DNAJC21: variants seen among roughly 807,000 people sequenced by gnomAD.
The protein encoded by DNAJC21 is dnaJ homolog subfamily C member 21.
A neutral mutation model predicts 72.4 loss-of-function variants in DNAJC21; 63 were observed. That is an observed-to-expected ratio of 0.87 (90% CI 0.71 to 1.07). DNAJC21 has a LOEUF of 1.07. Among genes scored for constraint, DNAJC21 ranks in the 50% least tolerant of loss-of-function variants. The probability of loss-of-function intolerance (pLI) is 0.00; values close to 1 mark genes in which losing one functional copy is unlikely to be tolerated. For missense variants in DNAJC21, 634 were observed against 644.8 expected (o/e 0.98, Z 0.18); for synonymous variants, 203 against 216.7 (o/e 0.94, Z 0.56).
chr5:34,930,502 C>T (rs761202847), intron 1 of DNAJC21: 3 of 151,898 alleles, frequency 2.0e-5, no homozygotes, highest in Non-Finnish European at 1.5e-5. Context: ...TCACTTTGGA[C>T]ATGATTCTGC....
chr5:34,951,642 C>G (rs1765370953), intron 10 of DNAJC21: 1 of 877,318 alleles, frequency 1.1e-6, no homozygotes, highest in Non-Finnish European at 1.4e-6. Context: ...ATTCTCCTGC[C>G]TCAGCCTCTC....
intron 1 of DNAJC21, among the ~76,000 whole-genome samples, chr5:34,933,274 C>CTTTTA (rs1041227923): frequency 2.0e-5 from 3 of 151,968 alleles, no homozygotes; most frequent in East Asian, 1.9e-4. Flanking sequence ...ACTTGTTTTA[C>CTTTTA]TTTTATTTTA....
intron 4 of DNAJC21, 129 bp from the exon 5 acceptor site, chr5:34,937,197 C>T: frequency 1.1e-6 from 1 of 947,780 alleles, no homozygotes; most frequent in Non-Finnish European, 1.5e-6. Flanking sequence ...CTGTCTTCTC[C>T]AGAGATTATT....
chr5:34,938,829 C>T (rs1764882495), intron 5 of DNAJC21, 29 bp from the exon 6 acceptor site: 12 of 1,548,240 alleles, frequency 7.8e-6, no homozygotes, highest in Middle Eastern at 1.7e-4. Context: ...GCGTGCTTGT[C>T]GCTGTGAGAC....
chr5:34,939,058 T>G, intron 6 of DNAJC21, 49 bp downstream of exon 6: 1 of 1,439,102 alleles, frequency 6.9e-7, no homozygotes, highest in Non-Finnish European at 9.2e-7. Context: ...TAAGTGAAGC[T>G]GGAAATCTCC....
intron 1 of DNAJC21, among the ~76,000 whole-genome samples, chr5:34,932,139 G>A (rs750624938): frequency 1.5e-4 from 23 of 152,098 alleles, no homozygotes; most frequent in Non-Finnish European, 2.2e-4. Context: ...AGTGTGCTCC[G>A]GCCAGGTGCG....
chr5:34,937,359 T>C lies in DNAJC21; in HGVS notation c.472T>C (p.Phe158Leu), dbSNP rs759342853. Residue 158 changes from phenylalanine (F) to leucine (L), a missense_variant, in exon 5 of 12, where the codon TTC (phenylalanine) becomes CTC (leucine). Physicochemically the swap from Phe to Leu is conservative, Grantham distance 22. Coordinates refer to ENST00000648817, the MANE Select transcript of DNAJC21 (RefSeq NM_001012339.3). Reference sequence around the variant, plus strand: ...TCCTTTCTACGCTTATTGGCAGAGTTTCTGCACTCAAAAGAATTTTGCATG... The same window carrying C: ...TCCTTTCTACGCTTATTGGCAGAGTCTCTGCACTCAAAAGAATTTTGCATG... ...VHPFYAYWQS[F>L]CTQKNFAWKE... The C allele has an allele frequency of 6.2e-7, 1 of 1,613,628 alleles. No individual in the cohort carries two copies. Among genetic ancestry groups the C allele is most frequent in the Non-Finnish European group, 8.5e-7 (1 of 1,179,866 alleles).
At chr5:34,950,815 A>T in intron 10 of DNAJC21, 1 of 986,356 alleles carries the variant, frequency 1.0e-6, no homozygotes. Flanking sequence ...TTGGTGCTGC[A>T]CAAGGCCATG....
chr5:34,936,485 AT>A (rs1764783015), intron 4 of DNAJC21, among the ~76,000 whole-genome samples: 1 of 151,946 alleles, frequency 6.6e-6, no homozygotes, highest in African/African-American at 2.4e-5. Context: ...CATCTAGCTA[AT>A]TTGTCAATTG....
At chr5:34,934,876 C>G (rs1039272337) in intron 2 of DNAJC21, among the ~76,000 whole-genome samples, 3 of 152,148 alleles carry the variant, frequency 2.0e-5, no homozygotes, top group Admixed American at 1.3e-4. Flanking sequence ...ATAAGAAACT[C>G]AGAGAGAGGA....
intron 6 of DNAJC21, among the ~76,000 whole-genome samples, chr5:34,940,096 C>A (rs1764938076): frequency 6.6e-6 from 1 of 152,178 alleles, no homozygotes; most frequent in South Asian, 2.1e-4. Context: ...CACAATCCCC[C>A]TTACATGGAG....
At chr5:34,950,765 A>G in intron 10 of DNAJC21, 1 of 988,118 alleles carries the variant, frequency 1.0e-6, no homozygotes, top group Non-Finnish European at 1.2e-6. Flanking sequence ...GACACATGGC[A>G]GCAGCTGGGG....
At chr5:34,950,482 C>T in intron 10 of DNAJC21, 140 bp downstream of exon 10, 1 of 1,396,888 alleles carries the variant, frequency 7.2e-7, no homozygotes, top group Non-Finnish European at 9.3e-7. Flanking sequence ...TGTATAGATA[C>T]ACACACACAT....
intron 9 of DNAJC21, chr5:34,949,708 T>A: frequency 6.2e-7 from 1 of 1,612,076 alleles, no homozygotes; most frequent in South Asian, 1.1e-5. Flanking sequence ...CCAGGCGTCT[T>A]TCTTTTATAA....
chr5:34,938,112 G>C (rs563081227), intron 5 of DNAJC21, among the ~76,000 whole-genome samples: 14 of 152,222 alleles, frequency 9.2e-5, no homozygotes, highest in African/African-American at 3.4e-4. Flanking sequence ...ATTTTTATTT[G>C]AATTGGATAT....
At chr5:34,931,675 T>G (rs1238244394) in intron 1 of DNAJC21, among the ~76,000 whole-genome samples, 2 of 152,166 alleles carry the variant, frequency 1.3e-5, no homozygotes, top group Non-Finnish European at 2.9e-5. Context: ...TTTATTAAGC[T>G]GCCATGGGAG....
At position 34,947,933 on chromosome 5, in the gene DNAJC21, TA is replaced by T. The variant is rs571905382; in HGVS notation, c.1185+2139del. On this transcript the variant is annotated intron_variant, in intron 9 of 11. Transcript: ENST00000648817. ...TTAAAAATTTTAAGCAATAGTTCTG[TA>T]AAAAAAAATCCTGTGCTATTGGGAT... is the stretch of plus-strand genomic sequence containing the variant. 9.2e-3 allele frequency among the ~76,000 whole-genome samples: 1,387 copies of T among 151,564 alleles called. 25 individuals are homozygous for T. The highest frequency in any genetic ancestry group is 0.029 in the African/African-American group (1,204 of 41,366).
rs1580524793 is a variant in DNAJC21, at chr5:34,935,629, A to G, written c.192-81A>G. ...TATCAACAACCAAAAATGTACAATA[A>G]TAATATTCAAAAGGAGCAAGAAATC... On this transcript the variant is annotated intron_variant, in intron 2 of 11. Coordinates refer to ENST00000648817, the MANE Select transcript of DNAJC21 (RefSeq NM_001012339.3). 3 of 1,577,826 alleles carry G rather than the reference A, an allele frequency of 1.9e-6. No homozygotes were observed. The African/African-American group carries it at 4.1e-5, about 21-fold the overall frequency.
At chr5:34,937,276 T>TA (rs768401261) in intron 4 of DNAJC21, 50 bp from the exon 5 acceptor site, 212 of 1,523,066 alleles carry the variant, frequency 1.4e-4, no homozygotes, top group Middle Eastern at 1.8e-4. Flanking sequence ...ACTGCTTTTC[T>TA]AAAAAAAAAT....
Sources: allele counts gnomAD v4.1 joint callset (sites outside exome capture counted in the v4.1 genomes callset), GRCh38; gene constraint gnomAD v4.1.1; transcripts MANE v1.5; gene names NCBI Gene and HGNC (gene_info 2026-07-23, HGNC 2026-07-21).